CDH18: variants seen among roughly 807,000 people sequenced by gnomAD.
CDH18 encodes the protein cadherin-18.
CDH18 carries 31 observed loss-of-function variants against 67.9 expected under a neutral mutation model. The observed-to-expected ratio is 0.46, with a 90% CI of 0.34 to 0.62. CDH18 has a LOEUF of 0.62. Among genes scored for constraint, CDH18 ranks in the 20% least tolerant of loss-of-function variants. The pLI is 0.01. For synonymous variants in CDH18, 362 were observed against 347.2 expected (o/e 1.04, Z -0.48); for missense variants, 890 against 975.5 (o/e 0.91, Z 1.17).
At chr5:19,525,838 A>G (rs1206109177) in intron 9 of CDH18, among the ~76,000 whole-genome samples, 1 of 152,182 alleles carries the variant, frequency 6.6e-6, no homozygotes, top group Non-Finnish European at 1.5e-5. Flanking sequence ...ATGTAAACCT[A>G]TTCATGGGAT....
intron 4 of CDH18, among the ~76,000 whole-genome samples, chr5:19,735,299 C>A (rs989426795): frequency 6.6e-6 from 1 of 151,238 alleles, no homozygotes; most frequent in African/African-American, 2.4e-5. Flanking sequence ...ATAAAGCAGT[C>A]GCAACATAAG....
chr5:20,358,121 G>A lies in CDH18; in HGVS notation c.-579-102616C>T, dbSNP rs906615174. Reference sequence around the variant, plus strand: ...TAAGCGTACACATTGACATAAATATGGAAACAATAGATACTGGAGACTACT... The same window carrying A: ...TAAGCGTACACATTGACATAAATATAGAAACAATAGATACTGGAGACTACT... On this transcript the variant is annotated intron_variant, in intron 1 of 14. Transcript: ENST00000507958. Among the ~76,000 whole-genome samples the A allele has an allele frequency of 5.3e-5, 8 of 152,076 alleles. No homozygotes were observed. In the South Asian group the frequency reaches 1.7e-3, roughly 32 times the overall value.
rs180761998 is a variant in CDH18 at position 19,917,340 on chromosome 5, C to T, written c.-257+63720G>A. On this transcript the variant is annotated intron_variant, in intron 2 of 12. Transcript: ENST00000382275. ...TCCTGTTCTCAATTTTTTCTTTCCC[C>T]CCCCGCCCCCTTTTTTTTCTTTTCT... Among the ~76,000 whole-genome samples the T allele has an allele frequency of 5.8e-3, 868 of 149,324 alleles. 8 individuals are homozygous for T. The highest frequency in any genetic ancestry group is 0.021 in the African/African-American group (843 of 39,842).
chr5:19,672,901 T>C (rs1758945078), intron 5 of CDH18, among the ~76,000 whole-genome samples: 1 of 152,042 alleles, frequency 6.6e-6, no homozygotes, highest in East Asian at 1.9e-4. Flanking sequence ...GAAACTTAAA[T>C]CCTATTATTA....
chr5:19,860,508 C>A (rs1337606818), intron 2 of CDH18, among the ~76,000 whole-genome samples: 1 of 146,580 alleles, frequency 6.8e-6, no homozygotes, highest in African/African-American at 2.5e-5. Context: ...TAGTTCATAT[C>A]ATTTACTTTT....
chr5:19,838,705 C>T, intron 3 of CDH18, 54 bp downstream of exon 3: 1 of 1,238,290 alleles, frequency 8.1e-7, no homozygotes, highest in South Asian at 1.3e-5. Flanking sequence ...ATGAGCTCAT[C>T]TTACCCCACA....
At chr5:20,535,935 C>G (rs558023481) in intron 1 of CDH18, among the ~76,000 whole-genome samples, 2 of 152,288 alleles carry the variant, frequency 1.3e-5, no homozygotes, top group East Asian at 3.9e-4. Flanking sequence ...CTGTATTTCA[C>G]TTTCTACTTG....
rs573540483 is a variant in CDH18 at position 20,565,306 on chromosome 5, T to A, written c.-580+10156A>T. 4.2e-3 allele frequency among the ~76,000 whole-genome samples: 640 copies of A among 152,282 alleles called. 2 individuals are homozygous for A. Among genetic ancestry groups the A allele is most frequent in the Non-Finnish European group, 6.9e-3 (467 of 68,016 alleles). ...AAGTTGTTGTTGTTGTTGTTGTATA[T>A]ACTCAGTAAAATTTTAGTAGAAAGA... On this transcript the variant is annotated intron_variant, in intron 1 of 14. Coordinates refer to the CDH18 transcript ENST00000507958.
intron 2 of CDH18, among the ~76,000 whole-genome samples, chr5:20,196,118 C>T (rs918335560): frequency 9.2e-5 from 14 of 152,182 alleles, no homozygotes; most frequent in African/African-American, 2.6e-4. Context: ...AAGTGAGAGA[C>T]GGCAAGGCAG....
intron 2 of CDH18, among the ~76,000 whole-genome samples, chr5:19,907,009 G>A (rs1790614342): frequency 6.6e-6 from 1 of 151,910 alleles, no homozygotes; most frequent in South Asian, 2.1e-4. Flanking sequence ...TAAAATAATA[G>A]TGTTTTGTCT....
chr5:19,746,778 T>C (rs990060569), intron 4 of CDH18, among the ~76,000 whole-genome samples, 164 bp downstream of exon 4: 2 of 152,196 alleles, frequency 1.3e-5, no homozygotes, highest in Non-Finnish European at 2.9e-5. Flanking sequence ...CTAGACCCAA[T>C]AGTCTTTAAC....
At chr5:20,542,478 CAT>C (rs1468081359) in intron 1 of CDH18, among the ~76,000 whole-genome samples, 3 of 151,338 alleles carry the variant, frequency 2.0e-5, no homozygotes, top group East Asian at 2.0e-4. Flanking sequence ...TATACACACA[CAT>C]ACAATGCTAT....
intron 2 of CDH18, among the ~76,000 whole-genome samples, chr5:19,923,347 C>A (rs758701032): frequency 3.3e-5 from 5 of 152,146 alleles, no homozygotes; most frequent in Non-Finnish European, 5.9e-5. Flanking sequence ...CCTCTCTGAG[C>A]CCTGTCTGAT....
chr5:19,737,974 T>C (rs1768576242), intron 4 of CDH18, among the ~76,000 whole-genome samples: 1 of 152,136 alleles, frequency 6.6e-6, no homozygotes, highest in South Asian at 2.1e-4. Context: ...TTCCAGTCAA[T>C]TTATGTAATG....
At chr5:19,659,585 C>G (rs1256431709) in intron 5 of CDH18, among the ~76,000 whole-genome samples, 1 of 152,086 alleles carries the variant, frequency 6.6e-6, no homozygotes, top group Non-Finnish European at 1.5e-5. Context: ...GAAATTTAAT[C>G]TCTAATACAA....
chr5:19,556,437 A>T (rs576953300), intron 8 of CDH18, among the ~76,000 whole-genome samples: 202 of 152,294 alleles, frequency 1.3e-3, no homozygotes, highest in African/African-American at 4.7e-3. Context: ...AAACAATCAC[A>T]ACTTCTGGAA....
At chr5:20,118,379 A>G (rs1172974212) in intron 2 of CDH18, among the ~76,000 whole-genome samples, 5 of 152,196 alleles carry the variant, frequency 3.3e-5, no homozygotes, top group Non-Finnish European at 7.4e-5. Context: ...TGTAAAGATA[A>G]GCAATAATTA....
At chr5:19,508,496 A>G (rs970162617) in intron 10 of CDH18, among the ~76,000 whole-genome samples, 2 of 152,150 alleles carry the variant, frequency 1.3e-5, no homozygotes, top group African/African-American at 4.8e-5. Flanking sequence ...TAATTAATAC[A>G]TAGAATGGTT....
At chr5:19,676,822 C>T (rs1340535383) in intron 5 of CDH18, among the ~76,000 whole-genome samples, 2 of 151,998 alleles carry the variant, frequency 1.3e-5, no homozygotes, top group East Asian at 3.9e-4. Context: ...AAGGGGCCAG[C>T]CTATAGAGTC....
Sources: allele counts gnomAD v4.1 joint callset (sites outside exome capture counted in the v4.1 genomes callset), GRCh38; gene constraint gnomAD v4.1.1; transcripts MANE v1.5; gene names NCBI Gene and HGNC (gene_info 2026-07-23, HGNC 2026-07-21).